UGT1A10: variants seen among roughly 807,000 people sequenced by gnomAD.
UGT1A10 encodes UDP-glucuronosyltransferase 1A10.
In UGT1A10, 49 loss-of-function variants were observed where a neutral mutation model predicts 45.8. That is an observed-to-expected ratio of 1.07 (90% confidence interval 0.85 to 1.36). UGT1A10 has a LOEUF of 1.36. UGT1A10 is among the 40% of genes most tolerant of loss of function. UGT1A10 has a pLI of 0.00. For synonymous variants in UGT1A10, 284 were observed against 249.7 expected (o/e 1.14, Z -1.29); for missense variants, 745 against 668.6 (o/e 1.11, Z -1.26).
intron 1 of UGT1A10, among the ~76,000 whole-genome samples, chr2:233,695,579 C>G (rs967801959): frequency 2.6e-5 from 4 of 151,918 alleles, no homozygotes; most frequent in Non-Finnish European, 2.9e-5. Flanking sequence ...CCCTTCCCTA[C>G]TTACCCTTTC....
In UGT1A10 at chr2:233,644,774, T is replaced by G. The variant is rs182499623; in HGVS notation, c.855+7397T>G. ...GGGTGACATAGGAGATGCAGAACTT[T>G]TTTTTTTCTATTTCTTCAGTGTCTC... On this transcript the variant is annotated intron_variant, in intron 1 of 4. Transcript: ENST00000344644. 1.6e-3 allele frequency among the ~76,000 whole-genome samples: 237 copies of G among 152,194 alleles called. 1 individual carries two copies. Among genetic ancestry groups the G allele is most frequent in the African/African-American group, 5.3e-3 (221 of 41,518 alleles).
intron 1 of UGT1A10, among the ~76,000 whole-genome samples, chr2:233,731,288 T>TC (rs1363892538): frequency 6.6e-6 from 1 of 151,914 alleles, no homozygotes; most frequent in Non-Finnish European, 1.5e-5. Context: ...TTCTTTCTTT[T>TC]TTTTTTTTTT....
intron 1 of UGT1A10, chr2:233,760,975 T>A: frequency 6.2e-7 from 1 of 1,614,220 alleles, no homozygotes; most frequent in Non-Finnish European, 8.5e-7. Context: ...TTATTCCCCG[T>A]ATGCAACCCT....
At position 233,772,787 on chromosome 2, in the gene UGT1A10, A is replaced by T; in HGVS notation, c.*228A>T. The T allele has an allele frequency of 4.0e-6, 5 of 1,249,376 alleles. No individual in the cohort carries two copies. Among genetic ancestry groups the T allele is most frequent in the Non-Finnish European group, 4.2e-6 (4 of 942,894 alleles). The allele number at this position is 1,249,376 out of a possible 1,614,324, so 77.4% of individuals were successfully genotyped here. A position where few individuals can be genotyped will look rare whatever the true frequency, so the allele number is the denominator to read the frequency against. The stretch of plus-strand genomic sequence containing the variant: ...GCCCCCTCTGGTGTCTTTGATCAGG[A>T]TGACATGTGCCATTTTTCAGAGGAC... On this transcript the variant is annotated 3_prime_UTR_variant, in exon 5 of 5. Coordinates refer to ENST00000344644, the MANE Select transcript of UGT1A10 (RefSeq NM_019075.4).
intron 1 of UGT1A10, among the ~76,000 whole-genome samples, chr2:233,724,980 CGCGGT>C (rs751350533): frequency 0.034 from 4,857 of 144,196 alleles, 246 homozygotes; most frequent in African/African-American, 0.053. Flanking sequence ...GCGGATCACT[CGCGGT>C]TAGGGGCTGG....
chr2:233,654,622 A>G (rs2073814521), intron 1 of UGT1A10, among the ~76,000 whole-genome samples: 1 of 152,256 alleles, frequency 6.6e-6, no homozygotes, highest in Admixed American at 6.5e-5. Flanking sequence ...TATAAAATGC[A>G]AAACTACTGA....
intron 1 of UGT1A10, chr2:233,672,157 A>G (rs1559334070): frequency 2.5e-6 from 4 of 1,614,188 alleles, no homozygotes; most frequent in Non-Finnish European, 3.4e-6. Context: ...TTGCACAGTG[A>G]AGACTTATTC....
intron 1 of UGT1A10, among the ~76,000 whole-genome samples, chr2:233,765,985 G>A (rs1019803782): frequency 1.3e-5 from 2 of 152,120 alleles, no homozygotes; most frequent in Admixed American, 6.5e-5. Flanking sequence ...TACAGCTCCT[G>A]AAGCTCCAGT....
intron 1 of UGT1A10, chr2:233,743,993 G>C: frequency 7.9e-7 from 1 of 1,258,672 alleles, no homozygotes; most frequent in Non-Finnish European, 1.0e-6. Context: ...GCAGGCCCGA[G>C]TGCTCGGAGA....
In UGT1A10 at chr2:233,768,234, C is replaced by G. The variant is rs55750087; in HGVS notation, c.1090C>G (p.Arg364Gly). 2 of 1,614,044 alleles carry G rather than the reference C, an allele frequency of 1.2e-6. No homozygotes were observed. The highest frequency in any genetic ancestry group is 4.5e-5 in the East Asian group (2 of 44,882). Reference protein sequence around the residue: ...QNDLLGHPMTRAFITHAGSHG... With the variant: ...QNDLLGHPMTGAFITHAGSHG... ...TTGCATCTCAGGTCACCCGATGACCCGTGCCTTTATCACCCATGCTGGTTC... is the reference window on the plus strand; with the variant it reads ...TTGCATCTCAGGTCACCCGATGACCGGTGCCTTTATCACCCATGCTGGTTC... Residue 364 changes from arginine (R) to glycine (G), a missense_variant, in exon 4 of 5, where the codon CGT becomes GGT. Arg to Gly is a moderately radical substitution (Grantham distance 125). Coordinates refer to ENST00000344644, the MANE Select transcript of UGT1A10 (RefSeq NM_019075.4).
chr2:233,771,796 C>A (rs373628815), intron 4 of UGT1A10, among the ~76,000 whole-genome samples: 1 of 151,712 alleles, frequency 6.6e-6, no homozygotes, highest in Non-Finnish European at 1.5e-5. Flanking sequence ...CCCTCCCTCC[C>A]TCCCTCCCTT....
intron 1 of UGT1A10, among the ~76,000 whole-genome samples, chr2:233,719,930 G>C (rs904855): frequency 0.08 from 12,193 of 152,230 alleles, 624 homozygotes; most frequent in East Asian, 0.2. Flanking sequence ...CTCACGGACA[G>C]TGTTTGTAAA....
chr2:233,735,879 G>A (rs1213973999), intron 1 of UGT1A10, among the ~76,000 whole-genome samples: 1 of 152,086 alleles, frequency 6.6e-6, no homozygotes, highest in Non-Finnish European at 1.5e-5. Flanking sequence ...AGAGAGATCT[G>A]CTGTTAGTCT....
At position 233,678,967 on chromosome 2, in the gene UGT1A10, T is replaced by C. The variant is rs371211857; in HGVS notation, c.855+41590T>C. On this transcript the variant is annotated intron_variant, in intron 1 of 4. Coordinates refer to ENST00000344644, the MANE Select transcript of UGT1A10 (RefSeq NM_019075.4). ...CAGAAGAAATGTACTGTTTGGGGCT[T>C]GGTGGCTTTCAAAGCTCTTTCTATA... 6.6e-5 allele frequency among the ~76,000 whole-genome samples: 10 copies of C among 152,348 alleles called. 1 individual carries two copies. Among genetic ancestry groups the C allele is most frequent in the South Asian group, 2.1e-4 (1 of 4,828 alleles).
In UGT1A10 at chr2:233,719,346, A is replaced by T. The variant is rs45540231; in HGVS notation, c.856-47688A>T. 3.4e-3 allele frequency: 5,483 copies of T among 1,613,810 alleles called. 158 individuals are homozygous for T. The African/African-American group carries it at 0.064, about 19-fold the overall frequency. On this transcript the variant is annotated intron_variant, in intron 1 of 4. Transcript: ENST00000344644. ...TCCTGCTGTGTTTTTTTGGAGGTAC[A>T]TTCCATGTGACTTAGACTTTAAGGG...
At chr2:233,690,823 C>T in intron 1 of UGT1A10, 1 of 1,066,136 alleles carries the variant, frequency 9.4e-7, no homozygotes, top group Non-Finnish European at 1.1e-6. Context: ...AGTCAAAGCT[C>T]ACAGGAGAAA....
At chr2:233,728,762 C>T (rs886147418) in intron 1 of UGT1A10, among the ~76,000 whole-genome samples, 1 of 152,142 alleles carries the variant, frequency 6.6e-6, no homozygotes, top group African/African-American at 2.4e-5. Flanking sequence ...CTCCTCAGAC[C>T]TCAGCTGCTG....
At chr2:233,743,311 A>AT (rs1692260590) in intron 1 of UGT1A10, 3 of 650,626 alleles carry the variant, frequency 4.6e-6, no homozygotes, top group Non-Finnish European at 7.4e-6. Flanking sequence ...CTTGGTGGTG[A>AT]TTTTTTTACC....
Position 233,748,513 on chromosome 2 carries a change from T to C in UGT1A10, c.856-18521T>C, listed in dbSNP as rs527780891. Among the ~76,000 whole-genome samples the C allele has an allele frequency of 5.3e-5, 8 of 151,912 alleles. No homozygotes were observed. The South Asian group carries it at 1.7e-3, about 31-fold the overall frequency. The stretch of plus-strand genomic sequence containing the variant: ...TGTGATAATTTTTAGTGGTCCTGTC[T>C]TGCGAATGATAGAGAGGTGACCACA... On this transcript the variant is annotated intron_variant, in intron 1 of 4. Transcript: ENST00000344644.
Sources: allele counts gnomAD v4.1 joint callset (sites outside exome capture counted in the v4.1 genomes callset), GRCh38; gene constraint gnomAD v4.1.1; transcripts MANE v1.5; gene names NCBI Gene and HGNC (gene_info 2026-07-23, HGNC 2026-07-21).